The following ARHGEF33 variants were observed in gnomAD, a reference collection of about 807,000 sequenced individuals.
ARHGEF33 encodes Rho guanine nucleotide exchange factor 33.
ARHGEF33 carries 72 observed loss-of-function variants against 101.9 expected under a neutral mutation model. The ratio of observed to expected loss-of-function variants is 0.71; its 90% CI spans 0.58 to 0.86. The LOEUF (loss-of-function observed/expected upper bound fraction) is 0.86, where lower values mean the gene tolerates loss of function less well. Ranked by LOEUF, ARHGEF33 falls within the 40% of genes least tolerant of loss-of-function variation. ARHGEF33 has a pLI of 0.00. For synonymous variants in ARHGEF33, 499 were observed against 442.5 expected (o/e 1.13, Z -1.60); for missense variants, 1,169 against 1,111.3 (o/e 1.05, Z -0.74).
At chr2:38,890,719 C>T (rs1171673230) in intron 1 of ARHGEF33, among the ~76,000 whole-genome samples, 1 of 151,910 alleles carries the variant, frequency 6.6e-6, no homozygotes, top group Middle Eastern at 3.2e-3. Context: ...TTTAATAGCC[C>T]CTTTTAATAC....
intron 6 of ARHGEF33, among the ~76,000 whole-genome samples, 178 bp downstream of exon 6, chr2:38,930,008 C>T (rs541469965): frequency 2.0e-5 from 3 of 152,074 alleles, no homozygotes; most frequent in South Asian, 4.1e-4. Context: ...ATGGATGGTA[C>T]CTATTACATA....
intron 4 of ARHGEF33, 87 bp downstream of exon 4, chr2:38,921,510 C>A: frequency 1.1e-6 from 1 of 893,150 alleles, no homozygotes; most frequent in Non-Finnish European, 1.8e-6. Flanking sequence ...TTAGCACTCA[C>A]AAGTGCTTCC....
intron 12 of ARHGEF33, among the ~76,000 whole-genome samples, 155 bp from the exon 13 acceptor site, chr2:38,954,216 ATG>A (rs1667684576): frequency 6.6e-6 from 1 of 152,246 alleles, no homozygotes; most frequent in Non-Finnish European, 1.5e-5. Flanking sequence ...GTCCCTGAAC[ATG>A]TGGCCTCTCC....
Position 38,960,508 on chromosome 2 carries a change from C to G in ARHGEF33, c.2203C>G (p.Arg735Gly). The G allele has an allele frequency of 1.5e-6, 2 of 1,345,528 alleles. No homozygotes were observed. The highest frequency in any genetic ancestry group is 1.9e-6 in the Non-Finnish European group (2 of 1,047,346). 83.3% of individuals were successfully genotyped at this position (1,345,528 alleles called of 1,614,324 possible). ...LYSTRSSSGG[R>G]APIKAERAAQ... ...CAGCACGCGCAGCAGCAGCGGCGGC[C>G]GCGCGCCCATCAAGGCCGAGCGCGC... is the stretch of plus-strand genomic sequence containing the variant. The change falls in exon 16 of 18, where the codon CGC becomes GGC. Residue 735 changes from arginine (R) to glycine (G), a missense_variant. Transcript: ENST00000409978.
chr2:38,950,384 C>T (rs1431583989), intron 10 of ARHGEF33, among the ~76,000 whole-genome samples: 3 of 152,192 alleles, frequency 2.0e-5, no homozygotes, highest in Non-Finnish European at 4.4e-5. Flanking sequence ...AGAATTTCCA[C>T]TGCGTGTCAT....
chr2:38,935,969 G>A (rs953522574), intron 8 of ARHGEF33, 135 bp downstream of exon 8: 7 of 768,622 alleles, frequency 9.1e-6, no homozygotes, highest in African/African-American at 1.8e-5. Context: ...ATGAAGTTAC[G>A]AAGATTCCAA....
chr2:38,962,080 C>T (rs998594737), intron 16 of ARHGEF33, among the ~76,000 whole-genome samples: 1 of 152,328 alleles, frequency 6.6e-6, no homozygotes, highest in South Asian at 2.1e-4. Context: ...TAATAGTGTG[C>T]TCAGCTAAAG....
intron 2 of ARHGEF33, among the ~76,000 whole-genome samples, chr2:38,901,088 C>T (rs1666227585): frequency 6.6e-6 from 1 of 152,112 alleles, no homozygotes; most frequent in Admixed American, 6.6e-5. Context: ...CCACTCTCAC[C>T]CCAAACACAC....
chr2:38,935,363 G>T (rs147555179), intron 7 of ARHGEF33, among the ~76,000 whole-genome samples: 3 of 150,014 alleles, frequency 2.0e-5, no homozygotes, highest in Admixed American at 6.7e-5. Flanking sequence ...GGGTTTTTTT[G>T]GGGGGAGGGG....
chr2:38,935,267 A>G (rs778403792), intron 7 of ARHGEF33, among the ~76,000 whole-genome samples: 7 of 146,952 alleles, frequency 4.8e-5, no homozygotes, highest in Non-Finnish European at 7.4e-5. Flanking sequence ...TGCAGCCCCA[A>G]CCTCCTGGGT....
chr2:38,898,537 A>C (rs1484945582), intron 2 of ARHGEF33, among the ~76,000 whole-genome samples: 2 of 152,238 alleles, frequency 1.3e-5, no homozygotes, highest in Non-Finnish European at 1.5e-5. Context: ...ACAGTGGGTC[A>C]GGTTTTTAAC....
chr2:38,954,684 A>T lies in ARHGEF33; in HGVS notation c.1221+228A>T, dbSNP rs529252211. Among the ~76,000 whole-genome samples the T allele has an allele frequency of 6.0e-4, 84 of 140,106 alleles. 1 individual carries two copies. The highest frequency in any genetic ancestry group is 2.1e-3 in the African/African-American group (78 of 36,798). 91.9% of individuals were successfully genotyped at this position (140,106 alleles called of 152,430 possible). A position where few individuals can be genotyped will look rare whatever the true frequency, so the allele number is the denominator to read the frequency against. On this transcript the variant is annotated intron_variant, in intron 13 of 17. Transcript: ENST00000409978. ...AGTCTTGCTCTGTCACCCAGGCTGG[A>T]GTACAGTGGTGTGATCTAGGCTCAC...
At chr2:38,934,180 G>T (rs1340080760) in intron 7 of ARHGEF33, among the ~76,000 whole-genome samples, 1 of 152,108 alleles carries the variant, frequency 6.6e-6, no homozygotes, top group Non-Finnish European at 1.5e-5. Context: ...TGGTACCCTT[G>T]ATACCCACCT....
chr2:38,968,613 C>A (rs1024495254), intron 17 of ARHGEF33, among the ~76,000 whole-genome samples: 2 of 152,192 alleles, frequency 1.3e-5, no homozygotes, highest in African/African-American at 2.4e-5. Context: ...AGATAAAGAG[C>A]CAGTGGATTC....
intron 14 of ARHGEF33, chr2:38,957,780 C>G (rs1667806326): frequency 2.3e-6 from 1 of 425,712 alleles, no homozygotes. Flanking sequence ...GCCAGGGTTC[C>G]TGTTATGGAA....
At chr2:38,943,210 G>GTA (rs1667358065) in intron 9 of ARHGEF33, among the ~76,000 whole-genome samples, 2 of 152,344 alleles carry the variant, frequency 1.3e-5, no homozygotes, top group South Asian at 4.1e-4. Flanking sequence ...TTACAGGCAT[G>GTA]AGCCACCATG....
intron 7 of ARHGEF33, 100 bp downstream of exon 7, chr2:38,931,351 G>A (rs1666999160): frequency 4.6e-6 from 5 of 1,090,226 alleles, no homozygotes; most frequent in African/African-American, 1.6e-5. Context: ...GAAGAAAATG[G>A]TGTATTGCCT....
chr2:38,911,221 C>G (rs1363620414), intron 2 of ARHGEF33, among the ~76,000 whole-genome samples: 1 of 152,170 alleles, frequency 6.6e-6, no homozygotes, highest in Non-Finnish European at 1.5e-5. Context: ...TATAGACTCT[C>G]TTCTTGAAAA....
intron 9 of ARHGEF33, among the ~76,000 whole-genome samples, chr2:38,942,519 C>T (rs1393618189): frequency 1.4e-5 from 2 of 144,648 alleles, no homozygotes; most frequent in African/African-American, 2.5e-5. Flanking sequence ...CATCTTCTAC[C>T]CTTTTAATTT....
Sources: allele counts gnomAD v4.1 joint callset (sites outside exome capture counted in the v4.1 genomes callset), GRCh38; gene constraint gnomAD v4.1.1; transcripts MANE v1.5; gene names NCBI Gene and HGNC (gene_info 2026-07-23, HGNC 2026-07-21).